Variants in TRIM9 observed in about 807,000 individuals in gnomAD.
TRIM9 encodes tripartite motif containing 9, also known as E3 ubiquitin-protein ligase TRIM9.
In TRIM9, 26 loss-of-function variants were observed where a neutral mutation model predicts 78.3. That is an observed-to-expected ratio of 0.33 (90% CI 0.24 to 0.46). The LOEUF (loss-of-function observed/expected upper bound fraction) is 0.46, where lower values mean the gene tolerates loss of function less well. TRIM9 is among the 20% of genes least tolerant of loss of function. The pLI is 1.00. For synonymous variants in TRIM9, 398 were observed against 416.5 expected, an observed-to-expected ratio of 0.96 and a Z score of 0.54; for missense variants, 787 against 1,036.4, an observed-to-expected ratio of 0.76 and a Z score of 3.30.
chr14:50,982,425 A>G, intron 10 of TRIM9: 1 of 415,236 alleles, frequency 2.4e-6, no homozygotes, highest in Non-Finnish European at 4.5e-6. Flanking sequence ...ACAGTGCACC[A>G]GAGACATAAA....
At chr14:51,036,478 C>T (rs1356715326) in intron 1 of TRIM9, among the ~76,000 whole-genome samples, 1 of 152,204 alleles carries the variant, frequency 6.6e-6, no homozygotes, top group East Asian at 1.9e-4. Flanking sequence ...GGGAAAGGGG[C>T]TTTACCAGCT....
intron 1 of TRIM9, among the ~76,000 whole-genome samples, chr14:51,068,024 T>A (rs1192803645): frequency 6.6e-6 from 1 of 152,218 alleles, no homozygotes; most frequent in Admixed American, 6.5e-5. Flanking sequence ...TTTCAAACTT[T>A]AATGTGCATC....
In TRIM9 at chr14:50,982,176, C is replaced by T. The variant is rs147002901; in HGVS notation, c.1859-73G>A. The stretch of plus-strand genomic sequence containing the variant: ...CTCAGCACCATAACATACTCCTGGG[C>T]GGGTGAGGAGCGTTGTGTAGCGTTT... On this transcript the variant is annotated intron_variant, in intron 10 of 12. Coordinates refer to ENST00000684578, the MANE Select transcript of TRIM9 (RefSeq NM_001387360.1). The T allele has an allele frequency of 5.6e-5, 87 of 1,549,296 alleles. No homozygotes were observed. The Middle Eastern group carries it at 8.4e-4, about 15-fold the overall frequency.
At position 51,070,169 on chromosome 14, in the gene TRIM9, T is replaced by C. The variant is rs4624086; in HGVS notation, c.822+23949A>G. Among the ~76,000 whole-genome samples the C allele has an allele frequency of 9.5e-4, 144 of 152,340 alleles. 1 individual carries two copies. The South Asian group carries it at 0.027, about 29-fold the overall frequency. On this transcript the variant is annotated intron_variant, in intron 1 of 12. Transcript: ENST00000684578. ...CACAATCCTTAAATGCTGTCTAGCA[T>C]TCCTAAGCACAAGAAGGCTGCAATG...
intron 1 of TRIM9, among the ~76,000 whole-genome samples, chr14:51,064,781 T>A (rs894198532): frequency 1.3e-5 from 2 of 152,082 alleles, no homozygotes; most frequent in African/African-American, 4.8e-5. Context: ...ATTCTTTCAA[T>A]ATAATGAACC....
chr14:51,040,990 A>C (rs775784102), intron 1 of TRIM9, among the ~76,000 whole-genome samples: 2 of 152,242 alleles, frequency 1.3e-5, no homozygotes, highest in Non-Finnish European at 2.9e-5. Flanking sequence ...TGAAAGGCTT[A>C]TTAGGATTCA....
chr14:51,084,162 AC>A (rs1344806338), intron 1 of TRIM9, among the ~76,000 whole-genome samples: 2 of 131,150 alleles, frequency 1.5e-5, no homozygotes. Flanking sequence ...ATCAGTTCAA[AC>A]TTTTCCACAC....
intron 1 of TRIM9, among the ~76,000 whole-genome samples, chr14:51,061,971 T>C (rs1356900948): frequency 1.3e-5 from 2 of 152,228 alleles, no homozygotes; most frequent in Non-Finnish European, 2.9e-5. Context: ...GACCATCTAT[T>C]CTGTTTGTAT....
rs1034029478 is a variant in TRIM9 at position 50,979,603 on chromosome 14, T to TC, written c.2163-55dup. The TC allele has an allele frequency of 5.6e-5, 82 of 1,474,556 alleles. No individual in the cohort carries two copies. The African/African-American group carries it at 7.7e-4, about 14-fold the overall frequency. 91.3% of individuals were successfully genotyped at this position (1,474,556 alleles called of 1,614,324 possible). A position where few individuals can be genotyped will look rare whatever the true frequency, so the allele number is the denominator to read the frequency against. On this transcript the variant is annotated intron_variant, in intron 11 of 12. Transcript: ENST00000684578. Reference sequence around the variant, plus strand: ...ATTTCCTTGTGGTCACTCTAGAAGCTCCCCCCTTTTGTGTGGTGAAACCAG... The same window carrying TC: ...ATTTCCTTGTGGTCACTCTAGAAGCTCCCCCCCTTTTGTGTGGTGAAACCAG...
intron 7 of TRIM9, among the ~76,000 whole-genome samples, chr14:50,988,874 G>A (rs767759261): frequency 2.6e-5 from 4 of 152,156 alleles, no homozygotes; most frequent in African/African-American, 4.8e-5. Context: ...GTCTTAGAGG[G>A]AAGAAACTTA....
rs1358108272 is a variant in TRIM9, at chr14:51,094,481, C to G, written c.459G>C (p.Gly153=). Residue 153 remains glycine (G), a synonymous_variant, in exon 1 of 13, where the codon GGG becomes GGC. Coordinates refer to ENST00000684578, the MANE Select transcript of TRIM9 (RefSeq NM_001387360.1). ...RGFPKNRVLE[G]VIDRYQQSKA... ...TGCTCTGCTGGTAGCGGTCAATTAC[C>G]CCTTCCAGTACGCGATTCTTGGGGA... is the stretch of plus-strand genomic sequence containing the variant. 1.2e-6 allele frequency: 2 copies of G among 1,613,810 alleles called. No homozygotes were observed. The highest frequency in any genetic ancestry group is 1.7e-6 in the Non-Finnish European group (2 of 1,179,980).
chr14:50,979,194 A>G, intron 12 of TRIM9, 193 bp downstream of exon 12: 1 of 1,449,230 alleles, frequency 6.9e-7, no homozygotes, highest in Non-Finnish European at 9.1e-7. Context: ...CCAAGTATAA[A>G]GAAGGTGCTT....
chr14:51,006,434 G>A (rs1259641949), intron 5 of TRIM9, among the ~76,000 whole-genome samples: 1 of 152,244 alleles, frequency 6.6e-6, no homozygotes, highest in East Asian at 1.9e-4. Flanking sequence ...ATATTACAGA[G>A]GCCAATAGAA....
At chr14:51,091,370 A>T (rs2064306015) in intron 1 of TRIM9, 1 of 152,216 alleles carries the variant, frequency 6.6e-6, no homozygotes, top group Non-Finnish European at 1.5e-5. Flanking sequence ...GAAATGACTA[A>T]TATGATAGAA....
At chr14:51,092,500 G>T (rs1360910412) in intron 1 of TRIM9, among the ~76,000 whole-genome samples, 2 of 152,150 alleles carry the variant, frequency 1.3e-5, no homozygotes, top group Non-Finnish European at 2.9e-5. Flanking sequence ...GGAATTCTGG[G>T]AGACTCTGAG....
At chr14:51,031,410 A>G (rs1415900388) in intron 1 of TRIM9, among the ~76,000 whole-genome samples, 2 of 152,180 alleles carry the variant, frequency 1.3e-5, no homozygotes, top group Non-Finnish European at 2.9e-5. Context: ...ACCTGAAGAA[A>G]GGGACTCTAT....
Position 50,996,507 on chromosome 14 carries a change from C to T in TRIM9, c.1603+1543G>A, listed in dbSNP as rs11852198. 3.8e-3 allele frequency: 3,702 copies of T among 985,346 alleles called. 106 individuals are homozygous for T. In the African/African-American group the frequency reaches 0.06, roughly 16 times the overall value. 61.0% of individuals were successfully genotyped at this position (985,346 alleles called of 1,614,324 possible). ...GTATTATGAATAGAAATAGTTTTCCCGCAGATCTGATAACACATATTAGCA... is the reference window on the plus strand; with the variant it reads ...GTATTATGAATAGAAATAGTTTTCCTGCAGATCTGATAACACATATTAGCA... On this transcript the variant is annotated intron_variant, in intron 7 of 12. Transcript: ENST00000684578.
intron 12 of TRIM9, chr14:50,978,780 C>A: frequency 8.2e-5 from 39 of 476,150 alleles, no homozygotes; most frequent in Non-Finnish European, 9.8e-5. Context: ...TTTTTTTTCA[C>A]TGATGTATCC....
intron 1 of TRIM9, chr14:51,091,057 C>A (rs556253715): frequency 2.0e-5 from 3 of 151,954 alleles, no homozygotes; most frequent in African/African-American, 7.3e-5. Context: ...TTAACAAGTA[C>A]GTTGAATAAA....
Sources: allele counts gnomAD v4.1 joint callset (sites outside exome capture counted in the v4.1 genomes callset), GRCh38; gene constraint gnomAD v4.1.1; transcripts MANE v1.5; gene names NCBI Gene and HGNC (gene_info 2026-07-23, HGNC 2026-07-21).